Variants in DNAH9 observed in about 807,000 individuals in gnomAD.
The protein encoded by DNAH9 is dynein axonemal heavy chain 9.
DNAH9 carries 345 observed loss-of-function variants against 471.6 expected under a neutral mutation model. That is an observed-to-expected ratio of 0.73 (90% CI 0.67 to 0.80). The LOEUF is 0.80. DNAH9 is among the 30% of genes least tolerant of loss of function. DNAH9 has a pLI of 0.00. For synonymous variants in DNAH9, 2,093 were observed against 2,123.6 expected (o/e 0.99, Z 0.40); for missense variants, 5,407 against 5,609.2 (o/e 0.96, Z 1.15).
Position 11,699,902 on chromosome 17 carries a change from C to G in DNAH9, c.5025+19C>G, listed in dbSNP as rs974567574. 7 of 1,612,572 alleles carry G rather than the reference C, an allele frequency of 4.3e-6. No individual in the cohort carries two copies. In the African/African-American group the frequency reaches 9.3e-5, roughly 22 times the overall value. On this transcript the variant is annotated intron_variant, in intron 23 of 68. Coordinates refer to ENST00000262442, the MANE Select transcript of DNAH9 (RefSeq NM_001372.4). ...CGGGCAGGTAACACAGTAGCCCTTTCCCCTCCTTCTGCTTTTCTCTCTCAA... is the reference window on the plus strand; with the variant it reads ...CGGGCAGGTAACACAGTAGCCCTTTGCCCTCCTTCTGCTTTTCTCTCTCAA...
At chr17:11,940,640 G>T (rs1353286144) in intron 66 of DNAH9, among the ~76,000 whole-genome samples, 1 of 152,112 alleles carries the variant, frequency 6.6e-6, no homozygotes, top group East Asian at 1.9e-4. Context: ...AGATGGCATT[G>T]TGTGTTAACA....
At chr17:11,912,363 G>C (rs1345265525) in intron 61 of DNAH9, among the ~76,000 whole-genome samples, 1 of 152,146 alleles carries the variant, frequency 6.6e-6, no homozygotes, top group Non-Finnish European at 1.5e-5. Flanking sequence ...GAAATAGCAA[G>C]TTCAGACTTC....
intron 13 of DNAH9, 80 bp downstream of exon 13, chr17:11,651,404 C>A: frequency 7.2e-7 from 1 of 1,393,132 alleles, no homozygotes; most frequent in Non-Finnish European, 9.7e-7. Flanking sequence ...TCCAATTATT[C>A]CCTGGTAATC....
At chr17:11,606,448 C>T (rs5010459) in intron 1 of DNAH9, among the ~76,000 whole-genome samples, 87,990 of 96,746 alleles carry the variant, frequency 0.91, 41,093 homozygotes, top group East Asian at 1. Context: ...CTTTTCTTTT[C>T]TTTTCTTTTT....
chr17:11,912,295 G>A (rs1973817864), intron 61 of DNAH9, among the ~76,000 whole-genome samples: 1 of 152,128 alleles, frequency 6.6e-6, no homozygotes, highest in Admixed American at 6.6e-5. Flanking sequence ...ATCCTCATAT[G>A]TTCTTATTTC....
intron 36 of DNAH9, among the ~76,000 whole-genome samples, chr17:11,765,039 G>A (rs1330291012): frequency 1.3e-5 from 2 of 152,178 alleles, no homozygotes; most frequent in South Asian, 4.1e-4. Context: ...ATTATCTGGG[G>A]AACGTTAGGA....
rs753540554 is a variant in DNAH9 at position 11,669,483 on chromosome 17, G to T, written c.3042G>T (p.Ser1014=). The change falls in exon 17 of 69, where the codon TCG becomes TCT. Residue 1014 remains serine (S), a synonymous_variant. Coordinates refer to ENST00000262442, the MANE Select transcript of DNAH9 (RefSeq NM_001372.4). Reference sequence around the variant, plus strand: ...ATCAGAGCACCTTCAGCCAGTATTCGTACCTCTATGTGGAGGACCGGAAGG... The same window carrying T: ...ATCAGAGCACCTTCAGCCAGTATTCTTACCTCTATGTGGAGGACCGGAAGG... The part of the protein sequence containing the change: ...CGYQSTFSQY[S]YLYVEDRKEV... 2 of 1,614,128 alleles carry T rather than the reference G, an allele frequency of 1.2e-6. No homozygotes were observed. Among genetic ancestry groups the T allele is most frequent in the African/African-American group, 1.3e-5 (1 of 75,026 alleles).
chr17:11,855,133 C>T (rs1327239136), intron 50 of DNAH9, among the ~76,000 whole-genome samples: 3 of 151,886 alleles, frequency 2.0e-5, no homozygotes, highest in Non-Finnish European at 4.4e-5. Context: ...AACTCCCGGG[C>T]TCAAGTGATC....
intron 28 of DNAH9, among the ~76,000 whole-genome samples, chr17:11,735,125 C>T (rs1215486461): frequency 6.6e-6 from 1 of 152,174 alleles, no homozygotes; most frequent in African/African-American, 2.4e-5. Flanking sequence ...CTTATGTCTT[C>T]TCAGCCTCAG....
chr17:11,643,463 A>T (rs2073317274), intron 10 of DNAH9, among the ~76,000 whole-genome samples: 1 of 152,228 alleles, frequency 6.6e-6, no homozygotes, highest in South Asian at 2.1e-4. Context: ...ATATATCTGT[A>T]CCTATATAGA....
Position 11,793,428 on chromosome 17 carries a change from T to C in DNAH9, c.8062-75T>C, listed in dbSNP as rs1432043046. On this transcript the variant is annotated intron_variant, in intron 41 of 68. Coordinates refer to ENST00000262442, the MANE Select transcript of DNAH9 (RefSeq NM_001372.4). ...CATCATCCCAGGTTAGATAAAATGC[T>C]CCAGGAAGTTTTCCTAGCTATTGTA... The C allele has an allele frequency of 2.2e-6, 3 of 1,379,768 alleles. No homozygotes were observed. In the African/African-American group the frequency reaches 4.3e-5, roughly 20 times the overall value. The allele number at this position is 1,379,768 out of a possible 1,614,324, so 85.5% of individuals were successfully genotyped here.
rs77876923 is a variant in DNAH9, at chr17:11,802,292, T to C, written c.8420+4499T>C. On this transcript the variant is annotated intron_variant, in intron 43 of 68. Transcript: ENST00000262442. ...GGAAGACTCTATGGCCTCACATCGC[T>C]ACACACACAGCACTCCAGAAAGGTA... Among the ~76,000 whole-genome samples, 1,264 of 152,132 alleles carry C rather than the reference T, an allele frequency of 8.3e-3. 13 individuals carry two copies. The highest frequency in any genetic ancestry group is 0.029 in the African/African-American group (1,204 of 41,496).
chr17:11,763,679 G>A lies in DNAH9; in HGVS notation c.7170+65G>A, dbSNP rs187142064. 1.7e-5 allele frequency: 25 copies of A among 1,477,608 alleles called. No individual in the cohort carries two copies. The East Asian group carries it at 5.6e-4, about 33-fold the overall frequency. 91.5% of individuals were successfully genotyped at this position (1,477,608 alleles called of 1,614,324 possible). On this transcript the variant is annotated intron_variant, in intron 36 of 68. Coordinates refer to ENST00000262442, the MANE Select transcript of DNAH9 (RefSeq NM_001372.4). The stretch of plus-strand genomic sequence containing the variant: ...TGTAGCAGCAAAAACTGATCCTTTA[G>A]CAAAGATTTGGAAGACAGGACAGCT...
intron 5 of DNAH9, among the ~76,000 whole-genome samples, chr17:11,617,898 A>G (rs1023661858): frequency 5.3e-5 from 8 of 152,154 alleles, no homozygotes; most frequent in Non-Finnish European, 1.0e-4. Flanking sequence ...TTAATGACCT[A>G]TGAAGAAGGA....
chr17:11,742,813 A>G (rs565507661), intron 30 of DNAH9, among the ~76,000 whole-genome samples: 20 of 152,324 alleles, frequency 1.3e-4, no homozygotes, highest in Middle Eastern at 3.4e-3. Context: ...TCTTTTTGTC[A>G]AGGATAGATG....
intron 66 of DNAH9, 59 bp from the exon 67 acceptor site, chr17:11,942,244 T>C (rs1228763921): frequency 1.3e-6 from 2 of 1,571,792 alleles, no homozygotes; most frequent in Admixed American, 1.8e-5. Flanking sequence ...TGCAGGAAAA[T>C]GGATTCCTTC....
At chr17:11,888,042 G>A (rs1190426802) in intron 57 of DNAH9, among the ~76,000 whole-genome samples, 2 of 151,726 alleles carry the variant, frequency 1.3e-5, no homozygotes, top group Non-Finnish European at 2.9e-5. Context: ...GAGTGCAGAG[G>A]CGCGATCTCG....
intron 53 of DNAH9, among the ~76,000 whole-genome samples, chr17:11,877,910 A>AT (rs2150992008): frequency 6.6e-6 from 1 of 152,044 alleles, no homozygotes; most frequent in East Asian, 1.9e-4. Context: ...AATATTTTGT[A>AT]TTTTTTGTAG....
chr17:11,622,798 G>C (rs1337661317), intron 6 of DNAH9, among the ~76,000 whole-genome samples: 1 of 151,878 alleles, frequency 6.6e-6, no homozygotes, highest in Non-Finnish European at 1.5e-5. Flanking sequence ...CTGAATCAAG[G>C]GCACAGGTGC....
Sources: allele counts gnomAD v4.1 joint callset (sites outside exome capture counted in the v4.1 genomes callset), GRCh38; gene constraint gnomAD v4.1.1; transcripts MANE v1.5; gene names NCBI Gene and HGNC (gene_info 2026-07-23, HGNC 2026-07-21).